The following IMMP2L variants were observed in gnomAD, a reference collection of about 807,000 sequenced individuals.
The protein encoded by IMMP2L is mitochondrial inner membrane protease subunit 2.
Under a neutral mutation model 19.3 loss-of-function variants are expected in IMMP2L, and 18 were observed. The observed-to-expected ratio is 0.93, with a 90% CI of 0.64 to 1.38. The LOEUF (loss-of-function observed/expected upper bound fraction) is 1.38, where lower values mean the gene tolerates loss of function less well. IMMP2L is among the 40% of genes most tolerant of loss of function. The probability of loss-of-function intolerance (pLI) is 0.00; values close to 1 mark genes in which losing one functional copy is unlikely to be tolerated. For synonymous variants in IMMP2L, 76 were observed against 73.0 expected (o/e 1.04, Z -0.21); for missense variants, 233 against 218.2 (o/e 1.07, Z -0.43).
chr7:110,673,344 GA>G, intron 5 of IMMP2L, among the ~76,000 whole-genome samples: 1 of 152,312 alleles, frequency 6.6e-6, no homozygotes, highest in Middle Eastern at 3.4e-3. Flanking sequence ...CCCAGCCCAT[GA>G]AACCATTTTT....
intron 5 of IMMP2L, among the ~76,000 whole-genome samples, chr7:110,761,246 G>A (rs139260682): frequency 3.1e-4 from 47 of 152,210 alleles, no homozygotes; most frequent in African/African-American, 1.1e-3. Flanking sequence ...ACTTCTTGAC[G>A]ATGGGGATGG....
Position 111,213,041 on chromosome 7 carries a change from C to T in IMMP2L, c.240-249476G>A, listed in dbSNP as rs572551782. Among the ~76,000 whole-genome samples, 17 of 152,340 alleles carry T rather than the reference C, an allele frequency of 1.1e-4. No homozygotes were observed. The highest frequency in any genetic ancestry group is 3.3e-4 in the Admixed American group (5 of 15,308). ...AGGAGCTGGAAGCAGCCAGAAGCCCCGCCCTTCCAGGCACAGCTGCAGCCA... is the reference window on the plus strand; with the variant it reads ...AGGAGCTGGAAGCAGCCAGAAGCCCTGCCCTTCCAGGCACAGCTGCAGCCA... On this transcript the variant is annotated intron_variant, in intron 3 of 5. Transcript: ENST00000405709. The surrounding 1 kb of genome is among the most constrained non-coding windows in gnomAD (Gnocchi z 4.8).
intron 5 of IMMP2L, among the ~76,000 whole-genome samples, chr7:110,826,458 C>T (rs1230994089): frequency 6.6e-6 from 1 of 152,042 alleles, no homozygotes; most frequent in African/African-American, 2.4e-5. Flanking sequence ...CAATGATAGA[C>T]TGGATTAAGA....
At chr7:111,036,174 C>G (rs1373634775) in intron 3 of IMMP2L, among the ~76,000 whole-genome samples, 1 of 152,150 alleles carries the variant, frequency 6.6e-6, no homozygotes, top group Non-Finnish European at 1.5e-5. Context: ...ACACAAATCT[C>G]TAGATCTAGT....
At chr7:111,108,032 A>G (rs1167500407) in intron 3 of IMMP2L, among the ~76,000 whole-genome samples, 1 of 152,060 alleles carries the variant, frequency 6.6e-6, no homozygotes. Flanking sequence ...CTTTCTTTAC[A>G]ATACTGTTTT....
At chr7:111,079,274 C>G (rs1333103128) in intron 3 of IMMP2L, among the ~76,000 whole-genome samples, 1 of 75,938 alleles carries the variant, frequency 1.3e-5, no homozygotes, top group African/African-American at 2.8e-5. Context: ...CCCGCCACTA[C>G]GCCCGGCTAA....
intron 3 of IMMP2L, among the ~76,000 whole-genome samples, chr7:111,046,644 C>T (rs2129571920): frequency 6.6e-6 from 1 of 152,116 alleles, no homozygotes; most frequent in Middle Eastern, 3.4e-3. Flanking sequence ...AACTCTATAC[C>T]AGCTAAACTA....
At chr7:110,859,231 T>G (rs1027179989) in intron 5 of IMMP2L, among the ~76,000 whole-genome samples, 3 of 152,082 alleles carry the variant, frequency 2.0e-5, no homozygotes, top group Non-Finnish European at 1.5e-5. Flanking sequence ...AGCTTTTGAC[T>G]CAGAGATCTG....
At chr7:111,067,954 A>G (rs186768988) in intron 3 of IMMP2L, among the ~76,000 whole-genome samples, 118 of 152,354 alleles carry the variant, frequency 7.7e-4, no homozygotes, top group Non-Finnish European at 1.4e-3. Context: ...TGAAAGATAT[A>G]AAATCCTTCA....
intron 5 of IMMP2L, among the ~76,000 whole-genome samples, chr7:110,796,404 C>G (rs1388314505): frequency 6.6e-6 from 1 of 152,002 alleles, no homozygotes; most frequent in Non-Finnish European, 1.5e-5. Context: ...AGTGCCCTTT[C>G]CAACACAACA....
chr7:111,499,411 C>A (rs1476133085), intron 2 of IMMP2L, among the ~76,000 whole-genome samples: 1 of 152,102 alleles, frequency 6.6e-6, no homozygotes, highest in Non-Finnish European at 1.5e-5. Flanking sequence ...CTAAGAGCCC[C>A]AAGGTCTCCT....
chr7:111,408,883 G>C (rs74427698), intron 3 of IMMP2L, among the ~76,000 whole-genome samples: 3 of 151,714 alleles, frequency 2.0e-5, no homozygotes, highest in Non-Finnish European at 4.4e-5. Context: ...GAGGAAGGAA[G>C]ATATGTAACT....
At chr7:110,700,575 T>C (rs763866378) in intron 5 of IMMP2L, among the ~76,000 whole-genome samples, 4 of 152,156 alleles carry the variant, frequency 2.6e-5, no homozygotes, top group African/African-American at 7.2e-5. Context: ...CCAGCCTAGA[T>C]TCCCCAAAAT....
At chr7:110,815,555 T>A (rs572635942) in intron 5 of IMMP2L, among the ~76,000 whole-genome samples, 66 of 152,236 alleles carry the variant, frequency 4.3e-4, no homozygotes, top group African/African-American at 1.5e-3. Flanking sequence ...CAGCTCCTCC[T>A]TGTACCTCTG....
chr7:111,258,378 T>C (rs1193571152), intron 3 of IMMP2L, among the ~76,000 whole-genome samples: 3 of 152,066 alleles, frequency 2.0e-5, no homozygotes, highest in African/African-American at 7.2e-5. Flanking sequence ...GTTCACAAGG[T>C]AGTAGGGCCT....
intron 3 of IMMP2L, among the ~76,000 whole-genome samples, chr7:111,029,110 C>T (rs142030908): frequency 6.6e-6 from 1 of 152,132 alleles, no homozygotes; most frequent in Non-Finnish European, 1.5e-5. Context: ...TATAAATCAG[C>T]TGTCATGATA....
chr7:110,999,482 A>G lies in IMMP2L; in HGVS notation c.240-35917T>C, dbSNP rs143036989. Among the ~76,000 whole-genome samples, 28 of 151,544 alleles carry G rather than the reference A, an allele frequency of 1.8e-4. No homozygotes were observed. The East Asian group carries it at 5.0e-3, about 27-fold the overall frequency. On this transcript the variant is annotated intron_variant, in intron 3 of 5. Coordinates refer to ENST00000405709, the MANE Select transcript of IMMP2L (RefSeq NM_032549.4). ...TTCTAGTGTTATTGATTTAATTTCA[A>G]CAATCATATTTGTATTCTCTAGTAG...
chr7:111,418,210 T>A (rs962723945), intron 3 of IMMP2L, among the ~76,000 whole-genome samples: 1 of 151,830 alleles, frequency 6.6e-6, no homozygotes, highest in Admixed American at 6.6e-5. Context: ...TAAATACATA[T>A]TGACTTGTAT....
At chr7:111,045,265 A>G (rs1792287020) in intron 3 of IMMP2L, among the ~76,000 whole-genome samples, 1 of 152,218 alleles carries the variant, frequency 6.6e-6, no homozygotes, top group Non-Finnish European at 1.5e-5. Context: ...GACTCAATCC[A>G]TTAGTAAATT....
Sources: gnomAD v4.1 joint callset for allele counts (sites outside exome capture counted in the v4.1 genomes callset) on GRCh38, gnomAD v4.1.1 for gene constraint, Gnocchi (gnomAD v3.1) non-coding constraint, MANE v1.5 for transcripts, NCBI Gene and HGNC (gene_info 2026-07-23, HGNC 2026-07-21) for gene names.